CDK5RAP2: variants seen among roughly 807,000 people sequenced by gnomAD.
CDK5RAP2 encodes CDK5 regulatory subunit associated protein 2.
Under a neutral mutation model 232.9 loss-of-function variants are expected in CDK5RAP2, and 147 were observed. That is an observed-to-expected ratio of 0.63 (90% confidence interval 0.55 to 0.72). The LOEUF (loss-of-function observed/expected upper bound fraction) is 0.72. Among genes scored for constraint, CDK5RAP2 ranks in the 30% least tolerant of loss-of-function variants. The probability of loss-of-function intolerance (pLI) is 0.00; values close to 1 mark genes in which losing one functional copy is unlikely to be tolerated. For missense variants in CDK5RAP2, 2,195 were observed against 2,231.5 expected, an observed-to-expected ratio of 0.98 and a Z score of 0.33; for synonymous variants, 833 against 833.7, an observed-to-expected ratio of 1.00 and a Z score of 0.01.
chr9:120,407,218 T>C lies in CDK5RAP2; in HGVS notation c.4757A>G (p.Asp1586Gly). Residue 1586 changes from aspartate to glycine, a missense_variant, in exon 32 of 38, where the codon GAT becomes GGT. Coordinates refer to ENST00000349780, the MANE Select transcript of CDK5RAP2 (RefSeq NM_018249.6). ...EASGEGWKGQ[D>G]PFRDLHSLLM... is the part of the protein sequence containing the mutation. Reference sequence around the variant, plus strand: ...GAGGCTGTGCAGGTCCCTGAAAGGATCCTGCCCCTTCCAGCCTTCTCCCGA... The same window carrying C: ...GAGGCTGTGCAGGTCCCTGAAAGGACCCTGCCCCTTCCAGCCTTCTCCCGA... 6.2e-7 allele frequency: 1 copy of C among 1,613,234 alleles called. No homozygotes were observed. Among genetic ancestry groups the C allele is most frequent in the Non-Finnish European group, 8.5e-7 (1 of 1,179,860 alleles).
At chr9:120,484,198 G>T (rs1353465937) in intron 14 of CDK5RAP2, among the ~76,000 whole-genome samples, 1 of 152,114 alleles carries the variant, frequency 6.6e-6, no homozygotes, top group Admixed American at 6.5e-5. Flanking sequence ...ATGGGCAGAG[G>T]ATAAATTCTA....
Position 120,458,607 on chromosome 9 carries a change from A to G in CDK5RAP2, c.2218T>C (p.Ser740Pro). The G allele has an allele frequency of 6.2e-7, 1 of 1,614,114 alleles. No individual in the cohort carries two copies. Among genetic ancestry groups the G allele is most frequent in the Non-Finnish European group, 8.5e-7 (1 of 1,179,990 alleles). The change falls in exon 20 of 38, where the codon TCC (serine) becomes CCC (proline). Residue 740 changes from serine (S) to proline (P), a missense_variant. Coordinates refer to ENST00000349780, the MANE Select transcript of CDK5RAP2 (RefSeq NM_018249.6). ...TATCCATTTTTGCAGCCTCCTTTGGAAAGGTCTTTCATAATCTGCAAATAA... is the reference window on the plus strand; with the variant it reads ...TATCCATTTTTGCAGCCTCCTTTGGGAAGGTCTTTCATAATCTGCAAATAA... ...QQSNEIMKDLSKGGCKNGYLR... is the reference protein window; with the variant it reads ...QQSNEIMKDLPKGGCKNGYLR...
At chr9:120,395,951 TAAAG>T (rs1564163351) in intron 35 of CDK5RAP2, among the ~76,000 whole-genome samples, 2 of 152,206 alleles carry the variant, frequency 1.3e-5, no homozygotes, top group Non-Finnish European at 2.9e-5. Context: ...CTCTTCATCT[TAAAG>T]AAACAGAAAT....
chr9:120,525,504 C>T (rs1267637069), intron 10 of CDK5RAP2, among the ~76,000 whole-genome samples: 1 of 152,136 alleles, frequency 6.6e-6, no homozygotes, highest in South Asian at 2.1e-4. Flanking sequence ...ACAACCATGG[C>T]CACACCCTGG....
At chr9:120,422,158 T>G (rs1267548399) in intron 26 of CDK5RAP2, among the ~76,000 whole-genome samples, 1 of 152,210 alleles carries the variant, frequency 6.6e-6, no homozygotes. Context: ...CGCTGGGATG[T>G]GGTGGAGAGG....
chr9:120,546,071 T>A (rs930960985), intron 4 of CDK5RAP2, among the ~76,000 whole-genome samples: 2 of 152,176 alleles, frequency 1.3e-5, no homozygotes, highest in African/African-American at 4.8e-5. Flanking sequence ...AAGGCATAAA[T>A]GTCATACAAG....
intron 14 of CDK5RAP2, among the ~76,000 whole-genome samples, chr9:120,487,090 C>T (rs893192905): frequency 1.1e-4 from 16 of 152,162 alleles, no homozygotes; most frequent in Non-Finnish European, 4.4e-5. Context: ...TTCTCAGTTT[C>T]GTGTGCAGTG....
At chr9:120,516,820 C>T (rs889784874) in intron 12 of CDK5RAP2, among the ~76,000 whole-genome samples, 1 of 152,144 alleles carries the variant, frequency 6.6e-6, no homozygotes, top group East Asian at 1.9e-4. Context: ...CACTGTGAAA[C>T]TCTGTCCCAA....
At chr9:120,412,482 G>C (rs1298689553) in intron 28 of CDK5RAP2, among the ~76,000 whole-genome samples, 1 of 152,194 alleles carries the variant, frequency 6.6e-6, no homozygotes, top group African/African-American at 2.4e-5. Flanking sequence ...TTTTCCACCA[G>C]GATGAAAAGA....
At chr9:120,512,619 C>T (rs2040147291) in intron 12 of CDK5RAP2, among the ~76,000 whole-genome samples, 1 of 152,190 alleles carries the variant, frequency 6.6e-6, no homozygotes, top group South Asian at 2.1e-4. Context: ...CTGCCAAAAG[C>T]ACAGTATTCT....
At chr9:120,389,839 G>T in intron 36 of CDK5RAP2, 52 bp from the exon 37 acceptor site, 2 of 1,571,346 alleles carry the variant, frequency 1.3e-6, no homozygotes, top group Non-Finnish European at 1.8e-6. Flanking sequence ...ATCCAGGAGA[G>T]CTGTGTGAAA....
intron 3 of CDK5RAP2, among the ~76,000 whole-genome samples, chr9:120,552,819 T>C (rs1042160800): frequency 2.6e-5 from 4 of 151,240 alleles, no homozygotes; most frequent in African/African-American, 9.7e-5. Flanking sequence ...ATTGTGCACA[T>C]GTACCCTAAA....
intron 22 of CDK5RAP2, among the ~76,000 whole-genome samples, chr9:120,446,385 C>G (rs1288274153): frequency 6.6e-6 from 1 of 152,112 alleles, no homozygotes; most frequent in Non-Finnish European, 1.5e-5. Context: ...CGCCACCATG[C>G]CTGGCTAATT....
chr9:120,389,092 C>T lies in CDK5RAP2; in HGVS notation c.*144G>A, dbSNP rs2031666592. ...TGACAACAACTCTCAAGCCAACTTT[C>T]AGAGAGAAAACATGAAGGGAAAAAA... is the stretch of plus-strand genomic sequence containing the variant. On this transcript the variant is annotated 3_prime_UTR_variant, in exon 38 of 38. Coordinates refer to ENST00000349780, the MANE Select transcript of CDK5RAP2 (RefSeq NM_018249.6). The T allele has an allele frequency of 2.6e-6, 2 of 778,160 alleles. No individual in the cohort carries two copies. The highest frequency in any genetic ancestry group is 3.5e-5 in the African/African-American group (2 of 57,086). 48.2% of individuals were successfully genotyped at this position (778,160 alleles called of 1,614,324 possible).
chr9:120,430,504 T>C (rs1252647299), intron 25 of CDK5RAP2, among the ~76,000 whole-genome samples: 2 of 151,276 alleles, frequency 1.3e-5, no homozygotes, highest in Non-Finnish European at 3.0e-5. Context: ...AAAAGACACA[T>C]GAAAAAATGC....
At chr9:120,441,600 A>T (rs2035901624) in intron 23 of CDK5RAP2, among the ~76,000 whole-genome samples, 1 of 152,200 alleles carries the variant, frequency 6.6e-6, no homozygotes, top group Non-Finnish European at 1.5e-5. Context: ...TGGGTGACCT[A>T]GGAGATCTCT....
rs1564400563 is a variant in CDK5RAP2, at chr9:120,579,949, G to GA, written c.29dup (p.Thr11HisfsTer19). ...AGCCGCTGAGCGTCCCAGGGACGGT[G>GA]ACGTCCTCTTCCAACACCAAGTCCA... On this transcript the variant is annotated frameshift_variant, in exon 1 of 38. Transcript: ENST00000349780. LOFTEE classifies it high-confidence loss of function. The GA allele has an allele frequency of 6.2e-7, 1 of 1,613,034 alleles. No homozygotes were observed. Among genetic ancestry groups the GA allele is most frequent in the Non-Finnish European group, 8.5e-7 (1 of 1,179,078 alleles).
Position 120,433,941 on chromosome 9 carries a change from A to G in CDK5RAP2, c.3955+3354T>C, listed in dbSNP as rs1475739988. Among the ~76,000 whole-genome samples the G allele has an allele frequency of 2.6e-5, 4 of 152,214 alleles. No individual in the cohort carries two copies. In the South Asian group the frequency reaches 6.2e-4, roughly 24 times the overall value. On this transcript the variant is annotated intron_variant, in intron 25 of 37. Transcript: ENST00000349780. ...GTCCACCATACATCAAACGTTATCT[A>G]TATCCTAGCACTACAGCAACAAACA...
In CDK5RAP2 at chr9:120,458,470, G is replaced by A. The variant is rs1401052255; in HGVS notation, c.2355C>T (p.Ala785=). The change falls in exon 20 of 38, where the codon GCC becomes GCT. Residue 785 remains alanine (A), a synonymous_variant. Coordinates refer to ENST00000349780, the MANE Select transcript of CDK5RAP2 (RefSeq NM_018249.6). ...NLLAPLFNEK[A]TLLLESRPDL... ...TATACCTGGATTCCAGTAATAATGT[G>A]GCCTTCTCATTGAACAAAGGGGCAA... 2 of 1,613,980 alleles carry A rather than the reference G, an allele frequency of 1.2e-6. No individual in the cohort carries two copies. Among genetic ancestry groups the A allele is most frequent in the African/African-American group, 1.3e-5 (1 of 74,904 alleles).
Sources: allele counts gnomAD v4.1 joint callset (sites outside exome capture counted in the v4.1 genomes callset), GRCh38; gene constraint gnomAD v4.1.1; transcripts MANE v1.5; gene names NCBI Gene and HGNC (gene_info 2026-07-23, HGNC 2026-07-21).